Variants in CPE observed in about 807,000 individuals in gnomAD.
CPE encodes carboxypeptidase E, also known as carbocypeptidase E.
In CPE, 17 loss-of-function variants were observed where a neutral mutation model predicts 53.5. The ratio of observed to expected loss-of-function variants is 0.32; its 90% CI spans 0.22 to 0.48. The LOEUF is 0.48. Ranked by LOEUF, CPE falls within the 20% of genes least tolerant of loss-of-function variation. The pLI is 0.99. For missense variants in CPE, 524 were observed against 614.7 expected, an observed-to-expected ratio of 0.85 and a Z score of 1.56; for synonymous variants, 226 against 228.8, an observed-to-expected ratio of 0.99 and a Z score of 0.11.
chr4:165,465,814 C>T (rs887089559), intron 2 of CPE, among the ~76,000 whole-genome samples: 1 of 152,050 alleles, frequency 6.6e-6, no homozygotes, highest in Non-Finnish European at 1.5e-5. Context: ...TCATTTTAAG[C>T]TTCTAATCTT....
At chr4:165,381,951 G>A (rs190467203) in intron 1 of CPE, among the ~76,000 whole-genome samples, 18 of 152,354 alleles carry the variant, frequency 1.2e-4, no homozygotes, top group African/African-American at 1.7e-4. Context: ...TGGACCAGGC[G>A]TCTGTGAGTT....
chr4:165,404,791 A>C, intron 1 of CPE: 2 of 774,260 alleles, frequency 2.6e-6, no homozygotes, highest in Non-Finnish European at 4.8e-6. Flanking sequence ...CAGTTGAAGC[A>C]CTGGTGTCTT....
chr4:165,437,633 T>G (rs956728447), intron 1 of CPE, among the ~76,000 whole-genome samples: 1 of 152,200 alleles, frequency 6.6e-6, no homozygotes, highest in African/African-American at 2.4e-5. Flanking sequence ...TGAGGACATA[T>G]AAATATGCAA....
At chr4:165,476,602 G>A (rs1209132671) in intron 3 of CPE, among the ~76,000 whole-genome samples, 2 of 152,004 alleles carry the variant, frequency 1.3e-5, no homozygotes, top group South Asian at 2.1e-4. Context: ...ACTGCCTTTC[G>A]CTGGCGCCTG....
intron 3 of CPE, among the ~76,000 whole-genome samples, chr4:165,480,619 A>G (rs1732389588): frequency 6.6e-6 from 1 of 152,132 alleles, no homozygotes; most frequent in African/African-American, 2.4e-5. Context: ...GTGGGGGAAA[A>G]TGTAGTCCCT....
chr4:165,448,014 A>G (rs1311135139), intron 1 of CPE, among the ~76,000 whole-genome samples: 1 of 152,186 alleles, frequency 6.6e-6, no homozygotes, highest in Non-Finnish European at 1.5e-5. Flanking sequence ...TGATTTTACT[A>G]AATATATGCA....
chr4:165,481,218 GT>G (rs1235826782), intron 3 of CPE, among the ~76,000 whole-genome samples: 1 of 152,100 alleles, frequency 6.6e-6, no homozygotes, highest in African/African-American at 2.4e-5. Context: ...TCTTAGCTGT[GT>G]GAACTTAGAT....
chr4:165,380,444 G>T (rs1730489309), intron 1 of CPE, among the ~76,000 whole-genome samples: 1 of 152,114 alleles, frequency 6.6e-6, no homozygotes, highest in Admixed American at 6.6e-5. Context: ...TAATAAAGAG[G>T]TATTTAAAAA....
chr4:165,473,701 A>G (rs1732245413), intron 3 of CPE, among the ~76,000 whole-genome samples: 1 of 152,242 alleles, frequency 6.6e-6, no homozygotes, highest in Non-Finnish European at 1.5e-5. Flanking sequence ...TTTGCCCAAA[A>G]GAGTGTGAAT....
intron 1 of CPE, among the ~76,000 whole-genome samples, chr4:165,430,044 C>CAA (rs199563512): frequency 6.7e-6 from 1 of 149,320 alleles, no homozygotes. Flanking sequence ...ATGGAAATAT[C>CAA]AAAAAATAAA....
chr4:165,487,618 C>T (rs771927518), intron 6 of CPE, 41 bp downstream of exon 6: 25 of 1,610,242 alleles, frequency 1.6e-5, no homozygotes, highest in Non-Finnish European at 2.0e-5. Context: ...GGTTTACAAG[C>T]ATTCAAACCT....
chr4:165,451,934 T>G (rs1560886528), intron 1 of CPE, among the ~76,000 whole-genome samples: 1 of 151,952 alleles, frequency 6.6e-6, no homozygotes, highest in Non-Finnish European at 1.5e-5. Context: ...AACCCCCGTT[T>G]TTTTTTTCGT....
intron 1 of CPE, among the ~76,000 whole-genome samples, chr4:165,416,583 A>T (rs1432130116): frequency 6.6e-6 from 1 of 151,768 alleles, no homozygotes; most frequent in Non-Finnish European, 1.5e-5. Context: ...AACTCTGCTC[A>T]TGCCAGGCTT....
At chr4:165,462,543 T>C (rs1732026713) in intron 1 of CPE, among the ~76,000 whole-genome samples, 1 of 152,176 alleles carries the variant, frequency 6.6e-6, no homozygotes. Context: ...CTCTCTCTAA[T>C]GGGCTGCAGC....
chr4:165,405,966 A>G, intron 1 of CPE: 2 of 735,324 alleles, frequency 2.7e-6, no homozygotes, highest in South Asian at 2.8e-5. Context: ...AGTTTCTCAA[A>G]TGTTCTCTGT....
At chr4:165,482,459 T>G in intron 4 of CPE, 100 bp downstream of exon 4, 1 of 799,216 alleles carries the variant, frequency 1.3e-6, no homozygotes, top group Non-Finnish European at 2.1e-6. Context: ...AACTGAACAT[T>G]AAGTGATTTT....
chr4:165,412,198 A>G (rs551974681), intron 1 of CPE, among the ~76,000 whole-genome samples: 6 of 152,218 alleles, frequency 3.9e-5, no homozygotes, highest in Admixed American at 6.5e-5. Context: ...AGGAAGAAAC[A>G]AAAGAGAAAG....
intron 1 of CPE, among the ~76,000 whole-genome samples, chr4:165,446,015 T>C (rs1202270413): frequency 6.6e-6 from 1 of 152,098 alleles, no homozygotes; most frequent in East Asian, 1.9e-4. Context: ...GGGAAAACGA[T>C]GTTGGTGTAA....
At chr4:165,467,579 G>A in intron 2 of CPE, 109 bp from the exon 3 acceptor site, 1 of 1,050,362 alleles carries the variant, frequency 9.5e-7, no homozygotes, top group Non-Finnish European at 1.3e-6. Flanking sequence ...CATTGTTGAA[G>A]TAAATAATCT....
Sources: gnomAD v4.1 joint callset for allele counts (sites outside exome capture counted in the v4.1 genomes callset) on GRCh38, gnomAD v4.1.1 for gene constraint, MANE v1.5 for transcripts, NCBI Gene and HGNC (gene_info 2026-07-23, HGNC 2026-07-21) for gene names.